Variants in ANO1 observed in about 807,000 individuals in gnomAD.
The protein encoded by ANO1 is anoctamin 1, also known as anoctamin-1.
In ANO1, 59 loss-of-function variants were observed where a neutral mutation model predicts 124.0. The observed-to-expected ratio is 0.48, with a 90% CI of 0.39 to 0.59. The LOEUF is 0.59. ANO1 is among the 20% of genes least tolerant of loss of function. The pLI is 0.00. For synonymous variants in ANO1, 529 were observed against 532.0 expected (o/e 0.99, Z 0.08); for missense variants, 1,059 against 1,328.0 (o/e 0.80, Z 3.15).
chr11:69,982,943 G>A (rs1358224511), upstream of ANO1, among the ~76,000 whole-genome samples: 3 of 152,202 alleles, frequency 2.0e-5, no homozygotes, highest in Non-Finnish European at 2.9e-5. Context: ...GACAGTGGGG[G>A]CAGGGTGTAC....
At chr11:69,996,165 T>C (rs1389827123) in intron 1 of ANO1, among the ~76,000 whole-genome samples, 1 of 104 alleles carries the variant, frequency 9.6e-3, no homozygotes, top group Non-Finnish European at 0.016. Context: ...TAATAGACTA[T>C]ATAGAAGGAT....
At chr11:70,039,787 G>T (rs1477795770) in intron 1 of ANO1, among the ~76,000 whole-genome samples, 2 of 152,172 alleles carry the variant, frequency 1.3e-5, no homozygotes, top group African/African-American at 4.8e-5. Flanking sequence ...ATAGAACAAT[G>T]CAGAAAGGAT....
chr11:70,084,802 T>A (rs972202671), intron 1 of ANO1, among the ~76,000 whole-genome samples: 3 of 152,258 alleles, frequency 2.0e-5, no homozygotes, highest in Non-Finnish European at 4.4e-5. Flanking sequence ...TGAGGCCTGC[T>A]AAATTGCTGC....
At chr11:69,978,187 G>A in the ANO1 span, among the ~76,000 whole-genome samples, 1 of 152,172 alleles carries the variant, frequency 6.6e-6, no homozygotes, top group Non-Finnish European at 1.5e-5. Flanking sequence ...CTGGAAGGGG[G>A]TGGCATTTGG....
At chr11:69,970,527 C>T in the ANO1 span, among the ~76,000 whole-genome samples, 41 of 152,308 alleles carry the variant, frequency 2.7e-4, no homozygotes, top group African/African-American at 9.6e-4. Context: ...CAACTTCACA[C>T]AGGTCTGAAG....
At chr11:70,151,702 G>A (rs546365678) in intron 12 of ANO1, among the ~76,000 whole-genome samples, 2 of 152,284 alleles carry the variant, frequency 1.3e-5, no homozygotes, top group East Asian at 1.9e-4. Context: ...TGAGCCACTC[G>A]CACCCCCAGC....
intron 11 of ANO1, among the ~76,000 whole-genome samples, chr11:70,142,654 T>C (rs1328087590): frequency 6.6e-6 from 1 of 151,962 alleles, no homozygotes. Context: ...TCCCAGGGGG[T>C]GGGTGTCTTA....
intron 16 of ANO1, among the ~76,000 whole-genome samples, chr11:70,160,713 GGTTGGGGGAGAAGCCCCATCCCGCA>G (rs2048008295): frequency 6.6e-6 from 1 of 152,364 alleles, no homozygotes; most frequent in Non-Finnish European, 1.5e-5. Flanking sequence ...GCTCACCATG[GGTTGGGGGAGAAGCCCCATCCCGCA>G]GTCAGTCTGC....
chr11:70,010,169 G>GATATATATATATATATATA (rs1856569548), intron 1 of ANO1, among the ~76,000 whole-genome samples: 1 of 22,678 alleles, frequency 4.4e-5, no homozygotes, highest in African/African-American at 1.1e-4. Flanking sequence ...GTGTGTGCGC[G>GATATATATATATATATATA]TGTGTGTGTG....
intron 1 of ANO1, chr11:70,016,356 G>A (rs565080619): frequency 1.3e-5 from 2 of 152,322 alleles, no homozygotes; most frequent in South Asian, 4.1e-4. Context: ...TGTGCATTTT[G>A]GCAAAAGTAA....
chr11:70,136,387 G>A (rs1016827226), intron 11 of ANO1, among the ~76,000 whole-genome samples: 7 of 152,188 alleles, frequency 4.6e-5, no homozygotes, highest in African/African-American at 1.7e-4. Context: ...TTGGCATCTC[G>A]TCTTAGGTGC....
rs1021909370 is a variant in ANO1 at position 70,115,016 on chromosome 11, T to A, written c.856-1442T>A. 5.9e-5 allele frequency among the ~76,000 whole-genome samples: 9 copies of A among 152,316 alleles called. 2 individuals are homozygous for A. In the South Asian group the frequency reaches 1.9e-3, roughly 32 times the overall value. ...GGTCACCAGCATAAGGACCTCCGTA[T>A]AAATGAGGTGCTGCTGGGATCGCGT... On this transcript the variant is annotated intron_variant, in intron 7 of 25. Coordinates refer to ENST00000355303, the MANE Select transcript of ANO1 (RefSeq NM_018043.7).
chr11:69,985,591 C>T (rs1006249047), upstream of ANO1, among the ~76,000 whole-genome samples: 1 of 152,234 alleles, frequency 6.6e-6, no homozygotes, highest in African/African-American at 2.4e-5. Context: ...TCAAGGCCCC[C>T]TCCTGTAGTC....
rs779223717 is a variant in ANO1, at chr11:70,170,931, C to T, written c.2242C>T (p.Leu748=). Residue 748 remains leucine, a synonymous_variant, in exon 22 of 26, where the codon CTG becomes TTG. Transcript: ENST00000355303. The part of the protein sequence containing the change: ...FVTLFVASFP[L]APLFALLNNI... The stretch of plus-strand genomic sequence containing the variant: ...CACCCTGTTTGTCGCCTCCTTCCCC[C>T]TGGCCCCACTGTTTGCGCTGCTGAA... The T allele has an allele frequency of 3.7e-6, 6 of 1,613,558 alleles. No individual in the cohort carries two copies. The highest frequency in any genetic ancestry group is 5.1e-6 in the Non-Finnish European group (6 of 1,179,742).
chr11:70,088,459 A>G (rs892062199), intron 2 of ANO1, among the ~76,000 whole-genome samples: 3 of 149,952 alleles, frequency 2.0e-5, no homozygotes, highest in Non-Finnish European at 4.4e-5. Context: ...CAGTGAGCGG[A>G]CATCACGCCA....
At chr11:70,160,680 GCAC>G (rs1311471230) in intron 16 of ANO1, among the ~76,000 whole-genome samples, 2 of 152,354 alleles carry the variant, frequency 1.3e-5, no homozygotes, top group East Asian at 3.9e-4. Context: ...CCTCAGCCCT[GCAC>G]CACCTGAGGA....
intron 1 of ANO1, among the ~76,000 whole-genome samples, chr11:69,999,653 A>G (rs4980717): frequency 0.5 from 75,700 of 151,924 alleles, 19,951 homozygotes; most frequent in East Asian, 0.89. Flanking sequence ...GAAAAGGGCC[A>G]TGTCTCTTGG....
At chr11:69,976,536 A>C in the ANO1 span, among the ~76,000 whole-genome samples, 1 of 80,966 alleles carries the variant, frequency 1.2e-5, no homozygotes. Context: ...AAAAAAAAAA[A>C]AAAAAAAAAA....
intron 1 of ANO1, among the ~76,000 whole-genome samples, chr11:69,991,820 G>A (rs1255385131): frequency 6.6e-6 from 1 of 152,240 alleles, no homozygotes; most frequent in Admixed American, 6.5e-5. Context: ...CTCTCATGGA[G>A]TGCAGTCTAT....
Sources: gnomAD v4.1 joint callset for allele counts (sites outside exome capture counted in the v4.1 genomes callset) on GRCh38, gnomAD v4.1.1 for gene constraint, MANE v1.5 for transcripts, NCBI Gene and HGNC (gene_info 2026-07-23, HGNC 2026-07-21) for gene names.